TTC7B: variants seen among roughly 807,000 people sequenced by gnomAD.
The protein encoded by TTC7B is tetratricopeptide repeat protein 7B.
In TTC7B, 28 loss-of-function variants were observed where a neutral mutation model predicts 106.8. The ratio of observed to expected loss-of-function variants is 0.26; its 90% CI spans 0.19 to 0.36. TTC7B has a LOEUF of 0.36. TTC7B is among the 10% of genes least tolerant of loss of function. The pLI, the probability that TTC7B is intolerant of heterozygous loss-of-function variation, is 1.00. For missense variants in TTC7B, 862 were observed against 1,076.4 expected (o/e 0.80, Z 2.79); for synonymous variants, 405 against 430.6 (o/e 0.94, Z 0.74).
chr14:90,673,489 C>T (rs925234545), intron 9 of TTC7B, among the ~76,000 whole-genome samples: 3 of 152,186 alleles, frequency 2.0e-5, no homozygotes, highest in Non-Finnish European at 4.4e-5. Flanking sequence ...GATGGCATGT[C>T]TATTCCTGTG....
rs1161705593 is a variant in TTC7B at position 90,713,280 on chromosome 14, TA to T, written c.698+16794del. On this transcript the variant is annotated intron_variant, in intron 5 of 19. Transcript: ENST00000328459. ...ACAAGTGCACACCACCATGCCCCACTAATTTTTGTATTTTTAGTAGAGACAG... is the reference window on the plus strand; with the variant it reads ...ACAAGTGCACACCACCATGCCCCACTATTTTTGTATTTTTAGTAGAGACAG... Among the ~76,000 whole-genome samples the T allele has an allele frequency of 2.0e-5, 3 of 152,214 alleles. No individual in the cohort carries two copies. The East Asian group carries it at 5.8e-4, about 29-fold the overall frequency.
chr14:90,710,162 G>A (rs1379066390), intron 5 of TTC7B, among the ~76,000 whole-genome samples: 2 of 151,948 alleles, frequency 1.3e-5, no homozygotes, highest in Non-Finnish European at 2.9e-5. Flanking sequence ...AAGAACTGGA[G>A]CTTGGAATAA....
In TTC7B at chr14:90,805,648, G is replaced by A. The variant is rs561363931; in HGVS notation, c.121+10527C>T. Among the ~76,000 whole-genome samples, 16 of 152,118 alleles carry A rather than the reference G, an allele frequency of 1.1e-4. No individual in the cohort carries two copies. The highest frequency in any genetic ancestry group is 1.3e-4 in the Non-Finnish European group (9 of 68,030). ...CCAGAGCTGGCTTCGCTTTTCCCTC[G>A]GGCATTATTTGGGGTTTAAGTGAGG... On this transcript the variant is annotated intron_variant, in intron 1 of 19. Coordinates refer to ENST00000328459, the MANE Select transcript of TTC7B (RefSeq NM_001010854.2). The surrounding 1 kb of genome is among the most constrained non-coding windows in gnomAD (Gnocchi z 4.0).
chr14:90,701,768 GTGTATA>G, intron 5 of TTC7B, among the ~76,000 whole-genome samples: 1 of 142,188 alleles, frequency 7.0e-6, no homozygotes, highest in Non-Finnish European at 1.5e-5. Flanking sequence ...GTGTATATAT[GTGTATA>G]TATGTATATG....
intron 15 of TTC7B, among the ~76,000 whole-genome samples, chr14:90,632,713 G>A (rs558422906): frequency 2.0e-5 from 3 of 152,352 alleles, no homozygotes; most frequent in South Asian, 4.1e-4. Flanking sequence ...TGCCTGGGTT[G>A]AAATCATGGC....
chr14:90,699,523 G>A (rs759560846), intron 5 of TTC7B: 5 of 304,504 alleles, frequency 1.6e-5, no homozygotes, highest in African/African-American at 2.3e-5. Context: ...TGTCATTGTC[G>A]TGGAAACTCA....
At chr14:90,765,169 T>C (rs1190790209) in intron 3 of TTC7B, among the ~76,000 whole-genome samples, 1 of 152,196 alleles carries the variant, frequency 6.6e-6, no homozygotes, top group East Asian at 1.9e-4. Context: ...ATAAGGACCT[T>C]TAAAACTTTA....
rs1041551618 is a variant in TTC7B at position 90,575,338 on chromosome 14, C to T, written c.2310+2768G>A. ...GGTGAATAACCTGTCCAAGGCCCCA[C>T]AGCGAATGGGGCCAGAGCTGTGATT... On this transcript the variant is annotated intron_variant, in intron 19 of 19. Transcript: ENST00000328459. The surrounding 1 kb of genome is among the most constrained non-coding windows in gnomAD (Gnocchi z 5.2). Among the ~76,000 whole-genome samples, 3 of 152,252 alleles carry T rather than the reference C, an allele frequency of 2.0e-5. No homozygotes were observed. Among genetic ancestry groups the T allele is most frequent in the East Asian group, 1.9e-4 (1 of 5,192 alleles).
At chr14:90,780,649 G>C (rs953093123) in intron 3 of TTC7B, 89 bp downstream of exon 3, 1 of 1,465,226 alleles carries the variant, frequency 6.8e-7, no homozygotes, top group South Asian at 1.3e-5. Context: ...TTCATCACCA[G>C]CCAAGGGCCA....
At chr14:90,617,901 C>G (rs370221327) in intron 16 of TTC7B, 28 bp downstream of exon 16, 2 of 1,585,386 alleles carry the variant, frequency 1.3e-6, no homozygotes, top group Admixed American at 3.3e-5. Context: ...GCAAAAGCCA[C>G]GCAAAGCAGG....
At chr14:90,797,155 AT>A (rs1423954957) in intron 1 of TTC7B, among the ~76,000 whole-genome samples, 1 of 143,546 alleles carries the variant, frequency 7.0e-6, no homozygotes, top group African/African-American at 2.5e-5. Context: ...CAGGTTCTCC[AT>A]TTCTTAAGGC....
At chr14:90,712,516 G>A (rs1888488489) in intron 5 of TTC7B, among the ~76,000 whole-genome samples, 1 of 152,128 alleles carries the variant, frequency 6.6e-6, no homozygotes. Context: ...ATGAAATTAA[G>A]AAAGCAATTC....
chr14:90,580,142 G>C (rs1365810714), intron 18 of TTC7B, among the ~76,000 whole-genome samples: 1 of 152,258 alleles, frequency 6.6e-6, no homozygotes, highest in Non-Finnish European at 1.5e-5. Flanking sequence ...GCGACATGAG[G>C]GCAGGGATGG....
intron 15 of TTC7B, among the ~76,000 whole-genome samples, chr14:90,621,937 AC>A (rs111488778): frequency 0.01 from 1,553 of 152,306 alleles, 24 homozygotes; most frequent in African/African-American, 0.035. Context: ...TACAGCTGAT[AC>A]CAAAAAGATA....
rs377294810 is a variant in TTC7B, at chr14:90,731,364, C to G, written c.577-1168G>C. Reference sequence around the variant, plus strand: ...CATGCCGTCCACATTTGCTGAAAGTCAGCAGCTCTTCAAAAGACCCAGTTG... The same window carrying G: ...CATGCCGTCCACATTTGCTGAAAGTGAGCAGCTCTTCAAAAGACCCAGTTG... On this transcript the variant is annotated intron_variant, in intron 4 of 19. Coordinates refer to ENST00000328459, the MANE Select transcript of TTC7B (RefSeq NM_001010854.2). Among the ~76,000 whole-genome samples, 12 of 152,316 alleles carry G rather than the reference C, an allele frequency of 7.9e-5. No homozygotes were observed. In the East Asian group the frequency reaches 2.3e-3, roughly 29 times the overall value.
At chr14:90,603,275 A>G (rs1317546474) in intron 17 of TTC7B, 2 of 1,289,890 alleles carry the variant, frequency 1.6e-6, no homozygotes, top group East Asian at 1.1e-4. Flanking sequence ...GGGAAGGAAA[A>G]CCATGAAAGT....
chr14:90,547,439 T>C (rs1424742743), intron 19 of TTC7B, among the ~76,000 whole-genome samples: 3 of 152,178 alleles, frequency 2.0e-5, no homozygotes, highest in African/African-American at 4.8e-5. Context: ...GCAGCCTTGG[T>C]GTAGGAGGCC....
Position 90,530,118 on chromosome 14 carries a change from A to G in TTC7B, c.*11250T>C, listed in dbSNP as rs1293473074. The G allele has an allele frequency of 2.0e-5, 3 of 152,212 alleles. No homozygotes were observed. The highest frequency in any genetic ancestry group is 4.4e-5 in the Non-Finnish European group (3 of 68,056). 9.4% of individuals were successfully genotyped at this position (152,212 alleles called of 1,614,324 possible). A position where few individuals can be genotyped will look rare whatever the true frequency, so the allele number is the denominator to read the frequency against. ...CCCGTCTCTACTAAAAATGCAAAAA[A>G]TTAGCCAGGCGTGGTGGCACGTGCC... On this transcript the variant is annotated 3_prime_UTR_variant, in exon 20 of 20. Transcript: ENST00000328459.
In TTC7B at chr14:90,570,307, C is replaced by T. The variant is rs949946721; in HGVS notation, c.2310+7799G>A. 6.6e-6 allele frequency among the ~76,000 whole-genome samples: 1 copy of T among 152,246 alleles called. No individual in the cohort carries two copies. The highest frequency in any genetic ancestry group is 2.4e-5 in the African/African-American group (1 of 41,468). On this transcript the variant is annotated intron_variant, in intron 19 of 19. Transcript: ENST00000328459. This position sits in a 1 kb window ranked among gnomAD's most constrained non-coding sequence, Gnocchi z 4.0. ...ATCCAATCCTGCCTCGAAGTCATTT[C>T]CCGCACTCATTTGGTCAGCAAAGGC...
Sources: gnomAD v4.1 joint callset for allele counts (sites outside exome capture counted in the v4.1 genomes callset) on GRCh38, gnomAD v4.1.1 for gene constraint, Gnocchi (gnomAD v3.1) non-coding constraint, MANE v1.5 for transcripts, NCBI Gene and HGNC (gene_info 2026-07-23, HGNC 2026-07-21) for gene names.